Variants in TOP2B observed in about 807,000 individuals in gnomAD.
The protein encoded by TOP2B is DNA topoisomerase II beta, also known as DNA topoisomerase 2-beta.
A neutral mutation model predicts 193.5 loss-of-function variants in TOP2B; 51 were observed. The observed-to-expected ratio is 0.26, with a 90% confidence interval of 0.21 to 0.33. The LOEUF (loss-of-function observed/expected upper bound fraction) is 0.33, where lower values mean the gene tolerates loss of function less well. TOP2B is among the 10% of genes least tolerant of loss of function. The probability of loss-of-function intolerance (pLI) is 1.00; values close to 1 mark genes in which losing one functional copy is unlikely to be tolerated. For synonymous variants in TOP2B, 634 were observed against 635.7 expected (o/e 1.00, Z 0.04); for missense variants, 1,378 against 1,909.3 (o/e 0.72, Z 5.19).
At chr3:25,652,266 A>G (rs991337511) in intron 1 of TOP2B, among the ~76,000 whole-genome samples, 5 of 152,214 alleles carry the variant, frequency 3.3e-5, no homozygotes, top group African/African-American at 1.2e-4. Flanking sequence ...GGATAGAACA[A>G]CCACACAGAA....
chr3:25,616,755 C>T lies in TOP2B; in HGVS notation c.3352-1169G>A, dbSNP rs140411349. On this transcript the variant is annotated intron_variant, in intron 25 of 35. Coordinates refer to ENST00000264331, the MANE Select transcript of TOP2B (RefSeq NM_001330700.2). ...GGATACAACAAAATCCTGTTTAGAC[C>T]CACATTTAGTGGGTCTAGTCTATTA... Among the ~76,000 whole-genome samples, 208 of 151,736 alleles carry T rather than the reference C, an allele frequency of 1.4e-3. 2 individuals carry two copies. The highest frequency in any genetic ancestry group is 4.7e-3 in the African/African-American group (195 of 41,446).
chr3:25,638,433 T>C (rs1703169169), intron 4 of TOP2B, 123 bp from the exon 5 acceptor site: 1 of 1,157,156 alleles, frequency 8.6e-7, no homozygotes, highest in Non-Finnish European at 1.1e-6. Context: ...GGTTATAAGA[T>C]ACTAGTCATT....
At chr3:25,614,744 T>A (rs549368343) in intron 27 of TOP2B, among the ~76,000 whole-genome samples, 2 of 152,188 alleles carry the variant, frequency 1.3e-5, no homozygotes, top group African/African-American at 4.8e-5. Flanking sequence ...AAGGTGTGCT[T>A]TTTATATCTC....
chr3:25,658,366 T>G lies in TOP2B; in HGVS notation c.69+5863A>C, dbSNP rs143115798. 4.4e-4 allele frequency among the ~76,000 whole-genome samples: 67 copies of G among 152,090 alleles called. 1 individual carries two copies. The highest frequency in any genetic ancestry group is 4.2e-3 in the Admixed American group (64 of 15,280). On this transcript the variant is annotated intron_variant, in intron 1 of 35. Transcript: ENST00000264331. ...CCTGCCTTAATTTATGTGAACAAAT[T>G]ACCAAACTACTGATAGTAATAAACA...
intron 2 of TOP2B, among the ~76,000 whole-genome samples, chr3:25,644,387 A>G (rs1274283905): frequency 6.6e-6 from 1 of 152,206 alleles, no homozygotes; most frequent in Non-Finnish European, 1.5e-5. Context: ...TACCATTAAC[A>G]TTAATGACAA....
Position 25,635,993 on chromosome 3 carries a change from A to G in TOP2B, c.795T>C (p.Tyr265=), listed in dbSNP as rs1415845026. 9.3e-6 allele frequency: 15 copies of G among 1,613,454 alleles called. No homozygotes were observed. The highest frequency in any genetic ancestry group is 1.2e-5 in the Non-Finnish European group (14 of 1,179,514). The part of the protein sequence containing the change: ...DIVALMTRRA[Y]DLAGSCRGVK... ...CCCCTCTACACGAACCAGCCAAATC[A>G]TATGCCCTTCTAGTCATGAGGGCCA... is the stretch of plus-strand genomic sequence containing the variant. Residue 265 remains tyrosine (Y), a synonymous_variant, in exon 7 of 36, where the codon TAT becomes TAC. Transcript: ENST00000264331.
In TOP2B at chr3:25,630,302, A is replaced by C. The variant is rs1360622640; in HGVS notation, c.1563+10T>G. On this transcript the variant is annotated intron_variant, in intron 12 of 35. Coordinates refer to ENST00000264331, the MANE Select transcript of TOP2B (RefSeq NM_001330700.2). ...TGTGTATACACATATATATACACAC[A>C]CATACATACCTGTTTATGAGAAGCT... 3 of 1,550,498 alleles carry C rather than the reference A, an allele frequency of 1.9e-6. No homozygotes were observed. Among genetic ancestry groups the C allele is most frequent in the Non-Finnish European group, 2.6e-6 (3 of 1,146,330 alleles).
At chr3:25,613,885 C>T (rs1575565941) in intron 27 of TOP2B, among the ~76,000 whole-genome samples, 1 of 152,082 alleles carries the variant, frequency 6.6e-6, no homozygotes, top group Admixed American at 6.6e-5. Context: ...AGTGACTTAA[C>T]CTCTCCAAGC....
intron 1 of TOP2B, among the ~76,000 whole-genome samples, 189 bp downstream of exon 1, chr3:25,664,040 G>A (rs1704002997): frequency 1.3e-5 from 2 of 152,244 alleles, no homozygotes; most frequent in South Asian, 2.1e-4. Flanking sequence ...TTCCAGAGAC[G>A]TACAGAGAAA....
rs1415732249 is a variant in TOP2B, at chr3:25,643,712, T to G, written c.313A>C (p.Ile105Leu). ...TACTCACCCAAAATTTCATCAAAGA[T>G]CTTGTATAAACCTGGCACAAAGGTA... ...EVTFVPGLYK[I>L]FDEILVNAAD... The change falls in exon 3 of 36, where the codon ATC (isoleucine) becomes CTC (leucine). Residue 105 changes from isoleucine to leucine, a missense_variant. Ile to Leu is a conservative substitution (Grantham distance 5). Coordinates refer to ENST00000264331, the MANE Select transcript of TOP2B (RefSeq NM_001330700.2). The G allele has an allele frequency of 1.2e-6, 2 of 1,613,102 alleles. No individual in the cohort carries two copies. The highest frequency in any genetic ancestry group is 1.7e-6 in the Non-Finnish European group (2 of 1,179,442).
chr3:25,639,403 G>A (rs1703196173), intron 4 of TOP2B, among the ~76,000 whole-genome samples: 1 of 152,182 alleles, frequency 6.6e-6, no homozygotes, highest in Admixed American at 6.5e-5. Context: ...TGCCTCCTGG[G>A]TTCCAGCAAT....
chr3:25,642,746 G>A (rs1703299671), intron 3 of TOP2B, among the ~76,000 whole-genome samples: 2 of 152,070 alleles, frequency 1.3e-5, no homozygotes, highest in Non-Finnish European at 1.5e-5. Flanking sequence ...ACAAGCAATT[G>A]CATTCTATTG....
chr3:25,637,124 G>A (rs1703126432), intron 6 of TOP2B, 91 bp downstream of exon 6: 2 of 914,900 alleles, frequency 2.2e-6, no homozygotes, highest in Non-Finnish European at 3.4e-6. Flanking sequence ...AAGTTATACA[G>A]GCATCACTGC....
Position 25,632,599 on chromosome 3 carries a change from C to T in TOP2B, c.1129-16G>A. 2 of 1,599,210 alleles carry T rather than the reference C, an allele frequency of 1.3e-6. No homozygotes were observed. Among genetic ancestry groups the T allele is most frequent in the Non-Finnish European group, 8.5e-7 (1 of 1,175,920 alleles). On this transcript the variant is annotated splice_polypyrimidine_tract_variant and intron_variant, in intron 9 of 35. Transcript: ENST00000264331. ...GGTTTTTTACCTGTTGAAAACATAC[C>T]CAAAAAAGTCAATATCAGAGCTGAT...
chr3:25,658,060 CA>C (rs1334572390), intron 1 of TOP2B, among the ~76,000 whole-genome samples: 825 of 44,762 alleles, frequency 0.018, 101 homozygotes, highest in Admixed American at 0.16. Context: ...GACTCCGTCT[CA>C]AAAAAAAAAA....
intron 12 of TOP2B, 51 bp downstream of exon 12, chr3:25,630,259 CAT>C (rs1396894417): frequency 2.6e-6 from 4 of 1,526,826 alleles, no homozygotes; most frequent in South Asian, 1.3e-5. Flanking sequence ...TTAGAAATGT[CAT>C]ATGTATGTGT....
At chr3:25,657,934 G>A (rs1703795845) in intron 1 of TOP2B, among the ~76,000 whole-genome samples, 1 of 140,390 alleles carries the variant, frequency 7.1e-6, no homozygotes, top group Admixed American at 6.9e-5. Flanking sequence ...AGTGGCGGGC[G>A]CCTGTAGTCC....
intron 33 of TOP2B, 124 bp from the exon 34 acceptor site, chr3:25,601,349 G>T: frequency 8.3e-7 from 1 of 1,198,284 alleles, no homozygotes; most frequent in Non-Finnish European, 1.1e-6. Flanking sequence ...TGGGCGTGGT[G>T]GCTCACACCT....
chr3:25,609,135 G>A (rs753280514), intron 30 of TOP2B, 48 bp downstream of exon 30: 83 of 1,470,362 alleles, frequency 5.6e-5, no homozygotes, highest in African/African-American at 9.9e-5. Flanking sequence ...CAATACCAAC[G>A]TATAGGTTAA....
Sources: allele counts gnomAD v4.1 joint callset (sites outside exome capture counted in the v4.1 genomes callset), GRCh38; gene constraint gnomAD v4.1.1; transcripts MANE v1.5; gene names NCBI Gene and HGNC (gene_info 2026-07-23, HGNC 2026-07-21).